The following PPARGC1A variants were observed in gnomAD, a reference collection of about 807,000 sequenced individuals.
PPARGC1A encodes the protein peroxisome proliferator-activated receptor gamma coactivator 1-alpha.
A neutral mutation model predicts 88.7 loss-of-function variants in PPARGC1A; 25 were observed. The ratio of observed to expected loss-of-function variants is 0.28; its 90% CI spans 0.21 to 0.39. PPARGC1A has a LOEUF of 0.39. PPARGC1A is among the 10% of genes least tolerant of loss of function. PPARGC1A has a pLI of 1.00. For synonymous variants in PPARGC1A, 363 were observed against 355.6 expected (o/e 1.02, Z -0.24); for missense variants, 880 against 968.7 (o/e 0.91, Z 1.22).
chr4:24,075,861 C>T, the PPARGC1A span, among the ~76,000 whole-genome samples: 5 of 152,028 alleles, frequency 3.3e-5, no homozygotes, highest in Non-Finnish European at 7.4e-5. Context: ...TTATTACCAG[C>T]GTGAGAACAG....
the PPARGC1A span, among the ~76,000 whole-genome samples, chr4:24,229,266 G>C: frequency 6.8e-6 from 1 of 147,428 alleles, no homozygotes; most frequent in Non-Finnish European, 1.5e-5. Flanking sequence ...TGATTCTTCT[G>C]CCTTAGCCTC....
At chr4:24,357,095 T>A in the PPARGC1A span, among the ~76,000 whole-genome samples, 2 of 152,212 alleles carry the variant, frequency 1.3e-5, no homozygotes, top group Admixed American at 6.5e-5. Context: ...TGCACCATCA[T>A]CCAGAGGTTC....
At chr4:24,130,015 G>A in the PPARGC1A span, among the ~76,000 whole-genome samples, 1 of 152,130 alleles carries the variant, frequency 6.6e-6, no homozygotes, top group Non-Finnish European at 1.5e-5. Flanking sequence ...GGGGGACCGG[G>A]GAGGGACAGC....
At chr4:24,385,074 G>T in the PPARGC1A span, among the ~76,000 whole-genome samples, 1 of 152,132 alleles carries the variant, frequency 6.6e-6, no homozygotes, top group Non-Finnish European at 1.5e-5. Flanking sequence ...TAGAACTCAG[G>T]ATTAAGAAAC....
chr4:23,866,092 A>C (rs1211976003), intron 2 of PPARGC1A: 1 of 152,238 alleles, frequency 6.6e-6, no homozygotes, highest in African/African-American at 2.4e-5. Flanking sequence ...AGAGTTGTGA[A>C]TATGTAAGAA....
chr4:23,860,407 A>G (rs917789890), intron 2 of PPARGC1A, among the ~76,000 whole-genome samples: 1 of 152,144 alleles, frequency 6.6e-6, no homozygotes, highest in African/African-American at 2.4e-5. Flanking sequence ...AATGTACCAC[A>G]TGAGGACTAT....
chr4:24,233,808 C>T, the PPARGC1A span, among the ~76,000 whole-genome samples: 28 of 151,904 alleles, frequency 1.8e-4, no homozygotes, highest in African/African-American at 3.6e-4. Context: ...AAAGTTAAAG[C>T]GCTTACAAGG....
chr4:24,396,995 T>C, the PPARGC1A span, among the ~76,000 whole-genome samples: 1 of 152,130 alleles, frequency 6.6e-6, no homozygotes, highest in Non-Finnish European at 1.5e-5. Context: ...ATTAACATGA[T>C]AAAGTGTCAA....
the PPARGC1A span, among the ~76,000 whole-genome samples, chr4:24,105,409 G>A: frequency 6.6e-6 from 1 of 152,152 alleles, no homozygotes; most frequent in Admixed American, 6.5e-5. Flanking sequence ...CCAACCTAAG[G>A]TAAGAGATAA....
At chr4:24,024,653 G>A in the PPARGC1A span, among the ~76,000 whole-genome samples, 2 of 152,186 alleles carry the variant, frequency 1.3e-5, no homozygotes, top group African/African-American at 4.8e-5. Context: ...CTCTGGAAAT[G>A]AAAAGCAGCA....
chr4:23,798,353 C>G (rs1718019771), intron 12 of PPARGC1A, among the ~76,000 whole-genome samples: 2 of 152,092 alleles, frequency 1.3e-5, no homozygotes, highest in African/African-American at 2.4e-5. Context: ...TTCCCAGCAC[C>G]TGGAAAACTG....
At chr4:23,929,570 C>T in the PPARGC1A span, among the ~76,000 whole-genome samples, 1 of 152,194 alleles carries the variant, frequency 6.6e-6, no homozygotes, top group Non-Finnish European at 1.5e-5. Context: ...AAAGTGTGAA[C>T]ACTGTTGAAT....
At chr4:24,009,690 A>G in the PPARGC1A span, among the ~76,000 whole-genome samples, 3 of 152,322 alleles carry the variant, frequency 2.0e-5, no homozygotes, top group African/African-American at 7.2e-5. Flanking sequence ...AGGGAAACTG[A>G]TGAGATCTCA....
At chr4:24,339,109 G>A in the PPARGC1A span, among the ~76,000 whole-genome samples, 1 of 151,438 alleles carries the variant, frequency 6.6e-6, no homozygotes, top group South Asian at 2.1e-4. Context: ...ATTTGACTAG[G>A]TCCCTCATGT....
upstream of PPARGC1A, among the ~76,000 whole-genome samples, chr4:23,894,535 C>T (rs559568713): frequency 6.6e-4 from 100 of 151,336 alleles, 2 homozygotes; most frequent in South Asian, 0.019. Flanking sequence ...ATCAAGACAG[C>T]TTGAATGTCT....
the PPARGC1A span, among the ~76,000 whole-genome samples, chr4:23,989,970 G>GAT: frequency 4.1e-5 from 6 of 145,344 alleles, no homozygotes; most frequent in East Asian, 1.0e-3. Context: ...TATTTCTAGG[G>GAT]ATATATATAC....
chr4:24,265,681 T>G, the PPARGC1A span, among the ~76,000 whole-genome samples: 143,218 of 152,108 alleles, frequency 0.94, 67,515 homozygotes, highest in East Asian at 1. Context: ...TTATATATGC[T>G]GCTTTCCATG....
At chr4:24,264,154 A>G in the PPARGC1A span, among the ~76,000 whole-genome samples, 1 of 152,342 alleles carries the variant, frequency 6.6e-6, no homozygotes, top group Non-Finnish European at 1.5e-5. Context: ...TGTGATCAAT[A>G]AAGCTTCCAG....
chr4:24,151,565 A>G, the PPARGC1A span, among the ~76,000 whole-genome samples: 1 of 152,190 alleles, frequency 6.6e-6, no homozygotes, highest in Non-Finnish European at 1.5e-5. Flanking sequence ...GCTATTACCA[A>G]TTGAGAAAAC....
Sources: gnomAD v4.1 joint callset for allele counts (sites outside exome capture counted in the v4.1 genomes callset) on GRCh38, gnomAD v4.1.1 for gene constraint, MANE v1.5 for transcripts, NCBI Gene and HGNC (gene_info 2026-07-23, HGNC 2026-07-21) for gene names.